Variants in PPM1B observed in about 807,000 individuals in gnomAD.
PPM1B encodes the protein protein phosphatase, Mg2+/Mn2+ dependent 1B, also known as protein phosphatase 1B.
PPM1B carries 22 observed loss-of-function variants against 43.0 expected under a neutral mutation model. That is an observed-to-expected ratio of 0.51 (90% CI 0.37 to 0.73). The LOEUF (loss-of-function observed/expected upper bound fraction) is 0.73, where lower values mean the gene tolerates loss of function less well. Among genes scored for constraint, PPM1B ranks in the 30% least tolerant of loss-of-function variants. The pLI, the probability that PPM1B is intolerant of heterozygous loss-of-function variation, is 0.00. For missense variants in PPM1B, 632 were observed against 584.2 expected, an observed-to-expected ratio of 1.08 and a Z score of -0.84; for synonymous variants, 217 against 197.9, an observed-to-expected ratio of 1.10 and a Z score of -0.81.
At chr2:44,205,352 T>TGGGTGTCG (rs1553333027) in intron 2 of PPM1B, among the ~76,000 whole-genome samples, 6 of 143,206 alleles carry the variant, frequency 4.2e-5, no homozygotes, top group African/African-American at 1.6e-4. Context: ...GGTGTGGGTG[T>TGGGTGTCG]GGGTGTGTGT....
chr2:44,210,847 T>G (rs1360119871), intron 3 of PPM1B, among the ~76,000 whole-genome samples: 1 of 152,082 alleles, frequency 6.6e-6, no homozygotes, highest in Non-Finnish European at 1.5e-5. Flanking sequence ...CCATAAAAAT[T>G]AGGAAATTGA....
downstream of PPM1B, chr2:44,232,393 AAAC>A: frequency 6.3e-7 from 1 of 1,594,488 alleles, no homozygotes; most frequent in Non-Finnish European, 8.5e-7. Flanking sequence ...TTGGGGGAAA[AAAC>A]TTTTAATCAC....
chr2:44,213,805 A>G (rs1439235160), intron 3 of PPM1B: 2 of 152,190 alleles, frequency 1.3e-5, no homozygotes, highest in African/African-American at 4.8e-5. Flanking sequence ...ATTCCTATTG[A>G]TAATATCATT....
At chr2:44,178,472 ATATT>A (rs1383398091) in intron 1 of PPM1B, among the ~76,000 whole-genome samples, 3 of 71,250 alleles carry the variant, frequency 4.2e-5, no homozygotes, top group African/African-American at 1.3e-4. Context: ...ATATATATAT[ATATT>A]TTTTTTTTTA....
intron 5 of PPM1B, chr2:44,229,953 A>G (rs1456330927): frequency 8.1e-6 from 12 of 1,483,610 alleles, no homozygotes; most frequent in African/African-American, 1.4e-5. Context: ...ATCTGTTTAA[A>G]TCTATATAGT....
At chr2:44,177,427 T>TTC (rs1300404661) in intron 1 of PPM1B, among the ~76,000 whole-genome samples, 1 of 149,042 alleles carries the variant, frequency 6.7e-6, no homozygotes, top group Non-Finnish European at 1.5e-5. Context: ...CCTTTTTTTT[T>TTC]TTTTTTTTGA....
intron 1 of PPM1B, among the ~76,000 whole-genome samples, chr2:44,194,880 T>C (rs181808191): frequency 7.3e-5 from 11 of 151,120 alleles, no homozygotes; most frequent in Non-Finnish European, 1.2e-4. Context: ...CTTTGCAAGA[T>C]AGACCTCCAG....
intron 3 of PPM1B, among the ~76,000 whole-genome samples, chr2:44,210,595 G>C (rs1279214227): frequency 6.6e-6 from 1 of 151,950 alleles, no homozygotes; most frequent in Non-Finnish European, 1.5e-5. Flanking sequence ...CCTTTACCTA[G>C]ATTCCTTATT....
At chr2:44,230,186 A>G (rs1572759708) in intron 5 of PPM1B, 1 of 1,422,878 alleles carries the variant, frequency 7.0e-7, no homozygotes, top group Non-Finnish European at 9.2e-7. Flanking sequence ...TGACTGTGAA[A>G]TAAGACATAA....
At chr2:44,206,001 G>T (rs1669173334) in intron 2 of PPM1B, among the ~76,000 whole-genome samples, 1 of 152,184 alleles carries the variant, frequency 6.6e-6, no homozygotes, top group South Asian at 2.1e-4. Context: ...GGGCGACAGA[G>T]TGAGACTCCG....
intron 1 of PPM1B, among the ~76,000 whole-genome samples, chr2:44,183,102 A>C (rs1160231278): frequency 6.6e-6 from 1 of 152,208 alleles, no homozygotes; most frequent in East Asian, 1.9e-4. Context: ...GATCTTCAGA[A>C]GCCTGTTTTC....
At chr2:44,234,068 A>T, downstream of PPM1B, 2 of 968,944 alleles carry the variant, frequency 2.1e-6, no homozygotes, top group Non-Finnish European at 2.5e-6. Context: ...ACAGTGTGAC[A>T]TATTACTATT....
intron 1 of PPM1B, among the ~76,000 whole-genome samples, chr2:44,186,025 G>A (rs1372435060): frequency 1.3e-5 from 2 of 152,148 alleles, no homozygotes; most frequent in African/African-American, 2.4e-5. Context: ...ACTGATGGGT[G>A]GAGTTGTTTT....
intron 1 of PPM1B, among the ~76,000 whole-genome samples, chr2:44,174,423 T>A (rs10205671): frequency 3.3e-5 from 5 of 152,150 alleles, no homozygotes; most frequent in Non-Finnish European, 7.3e-5. Flanking sequence ...AGGATAAGAC[T>A]TGTCTCTAGG....
intron 1 of PPM1B, among the ~76,000 whole-genome samples, chr2:44,198,671 C>T (rs560937976): frequency 2.0e-5 from 3 of 152,178 alleles, no homozygotes; most frequent in Non-Finnish European, 4.4e-5. Context: ...AAAAATGAAA[C>T]GAAATAATAA....
chr2:44,180,238 C>G (rs933473882), intron 1 of PPM1B, among the ~76,000 whole-genome samples: 2 of 152,130 alleles, frequency 1.3e-5, no homozygotes, highest in Non-Finnish European at 2.9e-5. Context: ...TTTCTTTCCT[C>G]ACTTAGGAAG....
At chr2:44,204,969 G>A (rs1572719845) in intron 2 of PPM1B, among the ~76,000 whole-genome samples, 1 of 151,900 alleles carries the variant, frequency 6.6e-6, no homozygotes, top group East Asian at 1.9e-4. Flanking sequence ...TTTAAATTAG[G>A]TATTTAACTC....
downstream of PPM1B, among the ~76,000 whole-genome samples, chr2:44,239,611 C>T (rs186123383): frequency 6.6e-6 from 1 of 152,102 alleles, no homozygotes; most frequent in South Asian, 2.1e-4. Context: ...GGAGGCACAT[C>T]TCATGTAAGT....
At chr2:44,202,648 A>G (rs1385540923) in intron 2 of PPM1B, among the ~76,000 whole-genome samples, 1 of 152,228 alleles carries the variant, frequency 6.6e-6, no homozygotes, top group Non-Finnish European at 1.5e-5. Context: ...AGAAGATAAA[A>G]TTCTTTTCAT....
Sources: gnomAD v4.1 joint callset for allele counts (sites outside exome capture counted in the v4.1 genomes callset) on GRCh38, gnomAD v4.1.1 for gene constraint, MANE v1.5 for transcripts, NCBI Gene and HGNC (gene_info 2026-07-23, HGNC 2026-07-21) for gene names.